The following NSD1 variants were observed in gnomAD, a reference collection of about 807,000 sequenced individuals.
NSD1 encodes the protein nuclear receptor binding SET domain protein 1.
A neutral mutation model predicts 242.7 loss-of-function variants in NSD1; 26 were observed. The ratio of observed to expected loss-of-function variants is 0.11; its 90% CI spans 0.08 to 0.15. NSD1 has a LOEUF of 0.15. Ranked by LOEUF, NSD1 falls within the 10% of genes least tolerant of loss-of-function variation. The pLI is 1.00. For missense variants in NSD1, 2,495 were observed against 3,272.8 expected (o/e 0.76, Z 5.80); for synonymous variants, 1,106 against 1,178.1 (o/e 0.94, Z 1.25).
rs1760095965 is a variant in NSD1, at chr5:177,294,319, C to G, written c.6951C>G (p.Asp2317Glu). 1 of 1,614,198 alleles carries G rather than the reference C, an allele frequency of 6.2e-7. No homozygotes were observed. Among genetic ancestry groups the G allele is most frequent in the African/African-American group, 1.3e-5 (1 of 75,060 alleles). Reference protein sequence around the residue: ...QSLVSSQRPLDRPPAVAGPRP... With the variant: ...QSLVSSQRPLERPPAVAGPRP... ...TGGTTTCCAGCCAGAGGCCACTGGA[C>G]AGGCCACCAGCAGTGGCAGGACCAA... The change falls in exon 23 of 23, where the codon GAC becomes GAG. Residue 2317 changes from aspartate (D) to glutamate (E), a missense_variant. Physicochemically the swap from Asp to Glu is conservative, Grantham distance 45. Coordinates refer to ENST00000439151, the MANE Select transcript of NSD1 (RefSeq NM_022455.5).
chr5:177,276,589 G>T (rs1451696774), intron 17 of NSD1, among the ~76,000 whole-genome samples: 1 of 152,114 alleles, frequency 6.6e-6, no homozygotes, highest in Non-Finnish European at 1.5e-5. Context: ...GTCTCCCAAA[G>T]TTGAGCCTCC....
chr5:177,200,472 A>G (rs926893533), intron 3 of NSD1, among the ~76,000 whole-genome samples: 3 of 152,168 alleles, frequency 2.0e-5, no homozygotes, highest in Non-Finnish European at 2.9e-5. Flanking sequence ...GTTCAGTAGC[A>G]TTAAGTATAT....
rs913585435 is a variant in NSD1, at chr5:177,299,496, T to C, written c.*4037T>C. On this transcript the variant is annotated 3_prime_UTR_variant, in exon 23 of 23. Transcript: ENST00000439151. ...CCTGGAGCAGGTTGTTAGAGAGCTC[T>C]GGTTGTTGGGTCTTCCTCAGCTCCC... is the stretch of plus-strand genomic sequence containing the variant. The C allele has an allele frequency of 4.3e-6, 1 of 233,258 alleles. No homozygotes were observed. The highest frequency in any genetic ancestry group is 2.2e-5 in the African/African-American group (1 of 45,366). 14.4% of individuals were successfully genotyped at this position (233,258 alleles called of 1,614,324 possible).
At chr5:177,237,339 T>G (rs992873281) in intron 6 of NSD1, among the ~76,000 whole-genome samples, 1 of 152,038 alleles carries the variant, frequency 6.6e-6, no homozygotes, top group African/African-American at 2.4e-5. Context: ...TCTTTCCCAT[T>G]AATTACCAAT....
chr5:177,186,529 A>G (rs1761247675), intron 2 of NSD1, among the ~76,000 whole-genome samples: 2 of 152,142 alleles, frequency 1.3e-5, no homozygotes, highest in Admixed American at 1.3e-4. Context: ...TCATTAGTGA[A>G]AGTAAAGATC....
chr5:177,180,714 G>C (rs34206836), intron 2 of NSD1, among the ~76,000 whole-genome samples: 7 of 151,252 alleles, frequency 4.6e-5, no homozygotes, highest in African/African-American at 1.7e-4. Flanking sequence ...ATGGAGTCTC[G>C]CTCTGTTGCC....
rs1017509772 is a variant in NSD1, at chr5:177,211,032, A to C, written c.2633A>C (p.Asp878Ala). 1 of 1,614,020 alleles carries C rather than the reference A, an allele frequency of 6.2e-7. No individual in the cohort carries two copies. The highest frequency in any genetic ancestry group is 1.7e-5 in the Admixed American group (1 of 60,002). Residue 878 changes from aspartate (D) to alanine (A), a missense_variant, in exon 5 of 23, where the codon GAC becomes GCC. Coordinates refer to ENST00000439151, the MANE Select transcript of NSD1 (RefSeq NM_022455.5). ...AGATCCTTAGGTGAGGATGTCAGTG[A>C]CTCTGGAACATCAAAGCCATCAAAA... ...SYRSLGEDVS[D>A]SGTSKPSKPL...
intron 2 of NSD1, among the ~76,000 whole-genome samples, chr5:177,162,070 G>A (rs1437263642): frequency 6.6e-6 from 1 of 151,852 alleles, no homozygotes; most frequent in Non-Finnish European, 1.5e-5. Flanking sequence ...GGCTGAGGTG[G>A]GCAGATCACC....
At chr5:177,228,638 G>T (rs1003644653) in intron 5 of NSD1, among the ~76,000 whole-genome samples, 1 of 152,028 alleles carries the variant, frequency 6.6e-6, no homozygotes, top group African/African-American at 2.4e-5. Context: ...TATAAATAGG[G>T]TCTAATAATC....
At chr5:177,169,132 G>C (rs1012156687) in intron 2 of NSD1, among the ~76,000 whole-genome samples, 14 of 152,128 alleles carry the variant, frequency 9.2e-5, no homozygotes, top group Non-Finnish European at 1.9e-4. Context: ...GGATCAACCA[G>C]CAGCAGACCA....
At chr5:177,219,102 G>T (rs1018362186) in intron 5 of NSD1, among the ~76,000 whole-genome samples, 1 of 151,626 alleles carries the variant, frequency 6.6e-6, no homozygotes, top group African/African-American at 2.4e-5. Context: ...AATTTAGGTT[G>T]TTGAGTTGAA....
intron 2 of NSD1, among the ~76,000 whole-genome samples, chr5:177,170,043 C>T (rs1759556755): frequency 6.6e-6 from 1 of 152,068 alleles, no homozygotes; most frequent in South Asian, 2.1e-4. Flanking sequence ...GATCTCTGCT[C>T]ACTGCAAGCT....
At chr5:177,217,676 T>TC (rs1375373731) in intron 5 of NSD1, among the ~76,000 whole-genome samples, 1 of 150,644 alleles carries the variant, frequency 6.6e-6, no homozygotes, top group Non-Finnish European at 1.5e-5. Flanking sequence ...CTTTTTTTTT[T>TC]TTTTTTTTGA....
intron 5 of NSD1, among the ~76,000 whole-genome samples, chr5:177,221,324 T>G (rs1764219241): frequency 6.6e-6 from 1 of 152,060 alleles, no homozygotes; most frequent in Non-Finnish European, 1.5e-5. Flanking sequence ...ATTGACATAC[T>G]TTGTTTTCTT....
chr5:177,229,974 C>T (rs1294486781), intron 5 of NSD1: 1 of 163,582 alleles, frequency 6.1e-6, no homozygotes, highest in Non-Finnish European at 1.3e-5. Flanking sequence ...AAACTCCCGA[C>T]TTCAAGTGAT....
intron 3 of NSD1, among the ~76,000 whole-genome samples, chr5:177,202,431 T>G (rs2149834378): frequency 6.6e-6 from 1 of 152,108 alleles, no homozygotes; most frequent in South Asian, 2.1e-4. Context: ...CAGGGTGGAG[T>G]GCAGTGGCGT....
intron 14 of NSD1, among the ~76,000 whole-genome samples, chr5:177,262,180 T>A (rs555436674): frequency 5.9e-5 from 9 of 152,356 alleles, no homozygotes; most frequent in African/African-American, 2.2e-4. Flanking sequence ...TAGGGCTGAC[T>A]TTTTCTGCAG....
chr5:177,261,360 C>T (rs533065607), intron 14 of NSD1, among the ~76,000 whole-genome samples: 5 of 150,646 alleles, frequency 3.3e-5, no homozygotes, highest in East Asian at 2.0e-4. Flanking sequence ...GGATTACAGA[C>T]GTGAGCCAGT....
At chr5:177,185,503 C>T (rs1761033925) in intron 2 of NSD1, among the ~76,000 whole-genome samples, 1 of 150,614 alleles carries the variant, frequency 6.6e-6, no homozygotes, top group South Asian at 2.1e-4. Flanking sequence ...GAGGCTGAGG[C>T]AGGAGAATCG....
Sources: allele counts gnomAD v4.1 joint callset (sites outside exome capture counted in the v4.1 genomes callset), GRCh38; gene constraint gnomAD v4.1.1; transcripts MANE v1.5; gene names NCBI Gene and HGNC (gene_info 2026-07-23, HGNC 2026-07-21).